SASH1: variants seen among roughly 807,000 people sequenced by gnomAD.
SASH1 encodes the protein SAM and SH3 domain containing 1, also known as SAM and SH3 domain-containing protein 1.
SASH1 carries 44 observed loss-of-function variants against 125.2 expected under a neutral mutation model. That is an observed-to-expected ratio of 0.35 (90% confidence interval 0.28 to 0.45). SASH1 has a LOEUF of 0.45. SASH1 is among the 20% of genes least tolerant of loss of function. The pLI, the probability that SASH1 is intolerant of heterozygous loss-of-function variation, is 1.00. For missense variants in SASH1, 1,426 were observed against 1,614.5 expected, an observed-to-expected ratio of 0.88 and a Z score of 2.00; for synonymous variants, 639 against 649.1, an observed-to-expected ratio of 0.98 and a Z score of 0.24.
intron 1 of SASH1, among the ~76,000 whole-genome samples, chr6:148,376,867 T>A (rs1428918089): frequency 4.6e-5 from 7 of 150,950 alleles, no homozygotes; most frequent in Non-Finnish European, 7.4e-5. Flanking sequence ...GATCCTGTTT[T>A]TAAAAACAAA....
chr6:148,514,990 C>T (rs1780360013), intron 9 of SASH1, among the ~76,000 whole-genome samples: 1 of 152,148 alleles, frequency 6.6e-6, no homozygotes, highest in Non-Finnish European at 1.5e-5. Context: ...CTAAGAGAAT[C>T]TTTTAAGAGT....
In SASH1 at chr6:148,325,261, T is replaced by TTTGTTGTTGTTGTTG. The variant is rs1554235037; in HGVS notation, n.74+52899_74+52913dup. On this transcript the variant is annotated intron_variant and non_coding_transcript_variant, in intron 1 of 3. Coordinates refer to the SASH1 transcript ENST00000367469. ...AGAGTGAAATAGGGGAAAAGCCTCTTTTGTTGTTGTTGTTGTTGTTGTTGT... is the reference window on the plus strand; with the variant it reads ...AGAGTGAAATAGGGGAAAAGCCTCTTTTGTTGTTGTTGTTGTTGTTGTTGTTGTTGTTGTTGTTGT... 0.017 allele frequency among the ~76,000 whole-genome samples: 2,548 copies of TTTGTTGTTGTTGTTG among 149,974 alleles called. 151 individuals carry two copies. In the East Asian group the frequency reaches 0.21, roughly 12 times the overall value.
At chr6:148,385,004 A>T (rs1783302974) in intron 1 of SASH1, among the ~76,000 whole-genome samples, 2 of 152,142 alleles carry the variant, frequency 1.3e-5, no homozygotes, top group African/African-American at 4.8e-5. Flanking sequence ...TTTTTGTGGG[A>T]TGGCAGACAA....
intron 2 of SASH1, among the ~76,000 whole-genome samples, chr6:148,422,270 T>G (rs1362255271): frequency 6.6e-6 from 1 of 152,254 alleles, no homozygotes; most frequent in Non-Finnish European, 1.5e-5. Context: ...CATGTGAGCA[T>G]GGAGATGAAC....
intron 8 of SASH1, chr6:148,508,801 T>A: frequency 1.2e-6 from 1 of 813,808 alleles, no homozygotes; most frequent in Non-Finnish European, 1.7e-6. Flanking sequence ...GTGAAGACGC[T>A]CTCCGAGTGG....
chr6:148,419,045 A>G (rs1784938158), intron 2 of SASH1, among the ~76,000 whole-genome samples: 1 of 152,168 alleles, frequency 6.6e-6, no homozygotes, highest in Admixed American at 6.5e-5. Flanking sequence ...GTGAAATTTG[A>G]GAGGTTTTCT....
intron 4 of SASH1, among the ~76,000 whole-genome samples, chr6:148,459,041 G>A (rs978864911): frequency 3.3e-5 from 5 of 150,282 alleles, no homozygotes; most frequent in Admixed American, 1.3e-4. Flanking sequence ...CATATGTCAC[G>A]GGGATATTCT....
intron 2 of SASH1, among the ~76,000 whole-genome samples, chr6:148,436,095 A>G (rs1161714742): frequency 1.3e-5 from 2 of 152,202 alleles, no homozygotes; most frequent in Admixed American, 6.5e-5. Flanking sequence ...AGCTGGCCAC[A>G]GCGATGTCTG....
At chr6:148,366,381 A>G (rs1026383369) in intron 1 of SASH1, among the ~76,000 whole-genome samples, 1 of 152,202 alleles carries the variant, frequency 6.6e-6, no homozygotes, top group Admixed American at 6.5e-5. Context: ...TAAGATATAG[A>G]CACAAGAAAA....
At chr6:148,342,519 CA>C (rs1460014797), upstream of SASH1, 1 of 152,190 alleles carries the variant, frequency 6.6e-6, no homozygotes, top group African/African-American at 2.4e-5. Flanking sequence ...AAGAGCCTGA[CA>C]TCAGAGCACC....
chr6:148,402,309 TTTTG>T (rs1784201452), intron 2 of SASH1, among the ~76,000 whole-genome samples: 1 of 151,910 alleles, frequency 6.6e-6, no homozygotes, highest in Admixed American at 6.6e-5. Flanking sequence ...AAAAATGACT[TTTTG>T]TTTGTTTGTT....
chr6:148,468,649 A>G, intron 5 of SASH1, 64 bp downstream of exon 5: 1 of 1,038,248 alleles, frequency 9.6e-7, no homozygotes. Flanking sequence ...AAACACGAAT[A>G]TGTGAAAATA....
intron 1 of SASH1, among the ~76,000 whole-genome samples, chr6:148,370,818 G>C (rs540648996): frequency 2.4e-4 from 36 of 152,134 alleles, no homozygotes; most frequent in Admixed American, 2.2e-3. Flanking sequence ...GTGAGACTCT[G>C]TCTCAAAAAA....
chr6:148,314,959 T>C (rs1026459416), intron 1 of SASH1, among the ~76,000 whole-genome samples: 3 of 152,092 alleles, frequency 2.0e-5, no homozygotes, highest in African/African-American at 7.2e-5. Flanking sequence ...TGTTTCACCA[T>C]GTTGGTCAGG....
At chr6:148,545,535 C>T (rs997195833) in intron 18 of SASH1, among the ~76,000 whole-genome samples, 3 of 152,228 alleles carry the variant, frequency 2.0e-5, no homozygotes, top group Non-Finnish European at 4.4e-5. Flanking sequence ...ATCTGTAAAG[C>T]AGAAGTTAGC....
At chr6:148,213,440 A>G in the SASH1 span, among the ~76,000 whole-genome samples, 14 of 152,046 alleles carry the variant, frequency 9.2e-5, no homozygotes, top group African/African-American at 3.4e-4. Flanking sequence ...GATTATTTCA[A>G]TTAATATGTC....
chr6:148,223,069 C>T, the SASH1 span, among the ~76,000 whole-genome samples: 1 of 152,118 alleles, frequency 6.6e-6, no homozygotes, highest in African/African-American at 2.4e-5. Flanking sequence ...CCAAGGCAAA[C>T]AAAGGATGAT....
At chr6:148,243,176 C>T in the SASH1 span, among the ~76,000 whole-genome samples, 3 of 151,970 alleles carry the variant, frequency 2.0e-5, no homozygotes, top group South Asian at 2.1e-4. Context: ...ATTGGCCAGG[C>T]ACGGTGGCTC....
intron 1 of SASH1, among the ~76,000 whole-genome samples, chr6:148,297,343 A>G (rs1213435310): frequency 6.6e-6 from 1 of 152,238 alleles, no homozygotes; most frequent in Non-Finnish European, 1.5e-5. Flanking sequence ...GTGTATAAAG[A>G]CAGTGACAGG....
Sources: allele counts gnomAD v4.1 joint callset (sites outside exome capture counted in the v4.1 genomes callset), GRCh38; gene constraint gnomAD v4.1.1; transcripts MANE v1.5; gene names NCBI Gene and HGNC (gene_info 2026-07-23, HGNC 2026-07-21).